The following ATP8A2 variants were observed in gnomAD, a reference collection of about 807,000 sequenced individuals.
ATP8A2 encodes ATPase phospholipid transporting 8A2, also known as phospholipid-transporting ATPase IB.
Under a neutral mutation model 165.6 loss-of-function variants are expected in ATP8A2, and 100 were observed. That is an observed-to-expected ratio of 0.60 (90% confidence interval 0.51 to 0.71). The LOEUF is 0.71. Ranked by LOEUF, ATP8A2 falls within the 30% of genes least tolerant of loss-of-function variation. ATP8A2 has a pLI of 0.00. For synonymous variants in ATP8A2, 543 were observed against 548.8 expected, an observed-to-expected ratio of 0.99 and a Z score of 0.15; for missense variants, 1,227 against 1,479.5, an observed-to-expected ratio of 0.83 and a Z score of 2.80.
intron 15 of ATP8A2, 93 bp downstream of exon 15, chr13:25,559,858 C>T: frequency 1.1e-6 from 1 of 933,800 alleles, no homozygotes; most frequent in Non-Finnish European, 1.7e-6. Context: ...GAGACAGCCT[C>T]ACTCTATTGC....
chr13:25,446,986 G>T (rs1362293311), intron 1 of ATP8A2, among the ~76,000 whole-genome samples: 1 of 152,114 alleles, frequency 6.6e-6, no homozygotes, highest in African/African-American at 2.4e-5. Context: ...CTCCCAAAGT[G>T]TTGGGATTAC....
intron 30 of ATP8A2, among the ~76,000 whole-genome samples, chr13:25,855,361 A>G (rs1952131687): frequency 6.6e-6 from 1 of 151,932 alleles, no homozygotes; most frequent in African/African-American, 2.4e-5. Context: ...TGGACATTCC[A>G]TAGAGATGGA....
intron 1 of ATP8A2, among the ~76,000 whole-genome samples, chr13:25,461,936 C>T (rs2035516760): frequency 6.6e-6 from 1 of 152,098 alleles, no homozygotes; most frequent in Non-Finnish European, 1.5e-5. Context: ...AAATATTCAC[C>T]AACTGACACT....
At chr13:25,502,109 T>C (rs1195882924) in intron 2 of ATP8A2, among the ~76,000 whole-genome samples, 2 of 152,194 alleles carry the variant, frequency 1.3e-5, no homozygotes, top group Admixed American at 6.5e-5. Flanking sequence ...TCTGAAGTAA[T>C]GTCAAGTGCC....
rs1336411660 is a variant in ATP8A2 at position 25,540,299 on chromosome 13, CT to C, written c.582-13del. Reference sequence around the variant, plus strand: ...GGAAAGGACCTTATGAAACTTGGCTCTTTTTTTCTCTCTCCTTAGTGAACCT... The same window carrying C: ...GGAAAGGACCTTATGAAACTTGGCTCTTTTTTCTCTCTCCTTAGTGAACCT... On this transcript the variant is annotated intron_variant, in intron 7 of 36. Transcript: ENST00000381655. The C allele has an allele frequency of 3.7e-6, 6 of 1,604,364 alleles. No homozygotes were observed. The African/African-American group carries it at 8.0e-5, about 21-fold the overall frequency.
intron 30 of ATP8A2, among the ~76,000 whole-genome samples, chr13:25,845,146 A>G (rs1296526990): frequency 6.6e-6 from 1 of 152,186 alleles, no homozygotes; most frequent in Non-Finnish European, 1.5e-5. Context: ...ACTTACTGCC[A>G]TGGTCTGCCT....
intron 1 of ATP8A2, among the ~76,000 whole-genome samples, chr13:25,450,104 T>G (rs1391130487): frequency 6.6e-6 from 1 of 152,230 alleles, no homozygotes; most frequent in African/African-American, 2.4e-5. Flanking sequence ...TGTGTTAGTC[T>G]GCTAAGGATA....
At chr13:25,906,099 C>T (rs1953928141) in intron 33 of ATP8A2, among the ~76,000 whole-genome samples, 1 of 152,058 alleles carries the variant, frequency 6.6e-6, no homozygotes, top group Non-Finnish European at 1.5e-5. Flanking sequence ...CTTTTGTCTT[C>T]CTCATCCTTT....
chr13:25,465,727 C>CT lies in ATP8A2; in HGVS notation c.77-3247dup, dbSNP rs1272833005. On this transcript the variant is annotated intron_variant, in intron 1 of 36. Coordinates refer to ENST00000381655, the MANE Select transcript of ATP8A2 (RefSeq NM_016529.6). ...TCTTTCTTTCTTTCTTTCTTTCTTT[C>CT]TTTCTTTCTTTCCCTCCCTCCCTCT... Among the ~76,000 whole-genome samples, 7 of 59,376 alleles carry CT rather than the reference C, an allele frequency of 1.2e-4. 1 individual carries two copies. Among genetic ancestry groups the CT allele is most frequent in the South Asian group, 7.5e-4 (1 of 1,338 alleles). 39.0% of individuals were successfully genotyped at this position (59,376 alleles called of 152,430 possible). A position where few individuals can be genotyped will look rare whatever the true frequency, so the allele number is the denominator to read the frequency against.
intron 33 of ATP8A2, among the ~76,000 whole-genome samples, chr13:25,952,386 T>TTC (rs1555295989): frequency 3.4e-4 from 47 of 137,018 alleles, no homozygotes; most frequent in Admixed American, 2.7e-3. Flanking sequence ...TTTTTCTTCT[T>TTC]TTTTTTTTTG....
chr13:25,602,935 G>T (rs770676039), intron 24 of ATP8A2, among the ~76,000 whole-genome samples: 55 of 152,084 alleles, frequency 3.6e-4, no homozygotes, highest in African/African-American at 1.2e-3. Context: ...AGCCAGGCAT[G>T]GGGGGGTGTG....
intron 30 of ATP8A2, among the ~76,000 whole-genome samples, chr13:25,853,619 G>T (rs1952075698): frequency 6.6e-6 from 1 of 152,076 alleles, no homozygotes; most frequent in Non-Finnish European, 1.5e-5. Context: ...TTTCAGCTTA[G>T]TCTCCCATGC....
chr13:25,597,201 C>G (rs77871907), intron 24 of ATP8A2, among the ~76,000 whole-genome samples: 2,174 of 151,690 alleles, frequency 0.014, 48 homozygotes, highest in African/African-American at 0.05. Context: ...TTTTTTTTTA[C>G]CAATCTTTGT....
At chr13:25,543,692 A>G (rs192503526) in intron 10 of ATP8A2, among the ~76,000 whole-genome samples, 215 of 152,326 alleles carry the variant, frequency 1.4e-3, no homozygotes, top group South Asian at 6.8e-3. Context: ...AATTAGTTCT[A>G]ACTTTTAAAT....
chr13:25,661,554 T>C (rs1593156936), intron 24 of ATP8A2, among the ~76,000 whole-genome samples: 2 of 152,174 alleles, frequency 1.3e-5, no homozygotes, highest in African/African-American at 2.4e-5. Context: ...AAAGTAAAAA[T>C]TGACTTAAGT....
intron 24 of ATP8A2, among the ~76,000 whole-genome samples, chr13:25,629,731 T>C (rs1270556625): frequency 6.6e-6 from 1 of 152,158 alleles, no homozygotes; most frequent in Non-Finnish European, 1.5e-5. Context: ...ACCCTCTGCC[T>C]TTTTACTGTG....
intron 1 of ATP8A2, among the ~76,000 whole-genome samples, chr13:25,440,408 C>T (rs546879542): frequency 2.2e-4 from 34 of 152,334 alleles, no homozygotes; most frequent in African/African-American, 7.5e-4. Flanking sequence ...GTATAACTCT[C>T]TACCATCCAT....
intron 33 of ATP8A2, among the ~76,000 whole-genome samples, chr13:25,890,735 T>C (rs1041964646): frequency 2.0e-5 from 3 of 152,256 alleles, no homozygotes; most frequent in Non-Finnish European, 4.4e-5. Flanking sequence ...GGGAGCCTTT[T>C]ATTGCTAGAA....
rs1308418959 is a variant in ATP8A2 at position 25,465,787 on chromosome 13, T to TTCTC, written c.77-3187_77-3186insCTCT. On this transcript the variant is annotated intron_variant, in intron 1 of 36. Transcript: ENST00000381655. ...TTTCTCTCTTTCTCTCTTTCTCTCT[T>TTCTC]TCTTTCTTTCTTTTTTGGTAGAGAT... 3.9e-4 allele frequency among the ~76,000 whole-genome samples: 41 copies of TTCTC among 103,822 alleles called. 2 individuals are homozygous for TTCTC. The highest frequency in any genetic ancestry group is 1.2e-3 in the African/African-American group (38 of 31,332). 68.1% of individuals were successfully genotyped at this position (103,822 alleles called of 152,430 possible).
Sources: gnomAD v4.1 joint callset for allele counts (sites outside exome capture counted in the v4.1 genomes callset) on GRCh38, gnomAD v4.1.1 for gene constraint, MANE v1.5 for transcripts, NCBI Gene and HGNC (gene_info 2026-07-23, HGNC 2026-07-21) for gene names.